SPAG16: variants seen among roughly 807,000 people sequenced by gnomAD.
The protein encoded by SPAG16 is sperm associated antigen 16, also known as sperm-associated antigen 16 protein.
In SPAG16, 86 loss-of-function variants were observed where a neutral mutation model predicts 80.4. The observed-to-expected ratio is 1.07, with a 90% CI of 0.90 to 1.28. The LOEUF is 1.28. Among genes scored for constraint, SPAG16 ranks in the 50% most tolerant of loss-of-function variants. The pLI is 0.00. For synonymous variants in SPAG16, 294 were observed against 265.9 expected, an observed-to-expected ratio of 1.11 and a Z score of -1.03; for missense variants, 870 against 765.3, an observed-to-expected ratio of 1.14 and a Z score of -1.61.
chr2:213,709,386 C>G (rs1329041447), intron 10 of SPAG16, among the ~76,000 whole-genome samples: 1 of 152,076 alleles, frequency 6.6e-6, no homozygotes, highest in Non-Finnish European at 1.5e-5. Flanking sequence ...GGTATTTGGA[C>G]ATAGTCTTGC....
intron 11 of SPAG16, among the ~76,000 whole-genome samples, chr2:213,890,012 T>A (rs2076727286): frequency 6.6e-6 from 1 of 152,046 alleles, no homozygotes; most frequent in South Asian, 2.1e-4. Flanking sequence ...AATTATAATA[T>A]GAAAATATTG....
chr2:214,152,669 C>G (rs1053242588), intron 15 of SPAG16, among the ~76,000 whole-genome samples: 1 of 152,056 alleles, frequency 6.6e-6, no homozygotes, highest in African/African-American at 2.4e-5. Flanking sequence ...GCGCGGAGAC[C>G]AGTAGTGGCC....
intron 10 of SPAG16, among the ~76,000 whole-genome samples, chr2:213,576,658 A>G (rs967980696): frequency 2.0e-5 from 3 of 152,172 alleles, no homozygotes; most frequent in Non-Finnish European, 2.9e-5. Context: ...AAAGAATGAG[A>G]TCATGTCCTT....
At chr2:213,393,828 A>G (rs1338596777) in intron 9 of SPAG16, among the ~76,000 whole-genome samples, 1 of 151,952 alleles carries the variant, frequency 6.6e-6, no homozygotes, top group East Asian at 1.9e-4. Flanking sequence ...CTAGGTCTTA[A>G]TTTCTATTTT....
chr2:213,794,724 A>T (rs946355571), intron 10 of SPAG16, among the ~76,000 whole-genome samples: 12 of 149,636 alleles, frequency 8.0e-5, no homozygotes, highest in African/African-American at 2.9e-4. Flanking sequence ...TATCACTTTG[A>T]TCTTAACAAT....
intron 5 of SPAG16, among the ~76,000 whole-genome samples, chr2:213,335,718 T>A (rs929555847): frequency 6.6e-6 from 1 of 152,158 alleles, no homozygotes; most frequent in Non-Finnish European, 1.5e-5. Flanking sequence ...TATAAGATTG[T>A]TGGCATGAAA....
intron 13 of SPAG16, among the ~76,000 whole-genome samples, chr2:214,037,940 C>T (rs1280362779): frequency 1.4e-5 from 2 of 145,018 alleles, no homozygotes; most frequent in Non-Finnish European, 3.0e-5. Context: ...TTTAGCCTTT[C>T]TGAATTATTT....
At chr2:213,598,372 T>C (rs556070400) in intron 10 of SPAG16, among the ~76,000 whole-genome samples, 3 of 152,330 alleles carry the variant, frequency 2.0e-5, no homozygotes, top group Admixed American at 2.0e-4. Context: ...GTGAGTAGTT[T>C]TAAGATGCCT....
intron 12 of SPAG16, among the ~76,000 whole-genome samples, chr2:213,958,639 C>T (rs2044267252): frequency 6.6e-6 from 1 of 152,088 alleles, no homozygotes; most frequent in Non-Finnish European, 1.5e-5. Flanking sequence ...GTGCCAAAAA[C>T]ATAAACTAAC....
chr2:213,340,024 A>G, intron 5 of SPAG16, 139 bp from the exon 6 acceptor site: 1 of 619,272 alleles, frequency 1.6e-6, no homozygotes, highest in Non-Finnish European at 2.8e-6. Context: ...TTTGATGAGA[A>G]TCTTCGATGA....
At chr2:213,373,829 T>A (rs1397562079) in intron 8 of SPAG16, among the ~76,000 whole-genome samples, 2 of 152,234 alleles carry the variant, frequency 1.3e-5, no homozygotes, top group East Asian at 3.8e-4. Flanking sequence ...TAGTGGACAT[T>A]ATAATAGTAA....
chr2:213,696,251 A>G (rs767376025), intron 10 of SPAG16, among the ~76,000 whole-genome samples: 1 of 152,228 alleles, frequency 6.6e-6, no homozygotes, highest in Non-Finnish European at 1.5e-5. Context: ...TGAGATCAAA[A>G]TAAAGTTGCA....
intron 10 of SPAG16, among the ~76,000 whole-genome samples, chr2:213,496,783 G>C (rs2074513196): frequency 6.6e-6 from 1 of 150,694 alleles, no homozygotes. Flanking sequence ...TAAATTATAT[G>C]TTTTCAAGAG....
intron 15 of SPAG16, among the ~76,000 whole-genome samples, chr2:214,171,078 C>T (rs532027888): frequency 5.9e-5 from 9 of 152,016 alleles, no homozygotes; most frequent in Admixed American, 2.6e-4. Flanking sequence ...CATCCAAGAG[C>T]GCCTCACAAG....
intron 12 of SPAG16, 94 bp from the exon 13 acceptor site, chr2:214,013,857 T>G (rs2047442660): frequency 7.7e-7 from 1 of 1,305,180 alleles, no homozygotes; most frequent in Non-Finnish European, 1.0e-6. Context: ...TTAATAAAAT[T>G]ATTTCATGCC....
intron 9 of SPAG16, among the ~76,000 whole-genome samples, chr2:213,471,954 G>A (rs1205364903): frequency 6.6e-6 from 1 of 152,140 alleles, no homozygotes; most frequent in Non-Finnish European, 1.5e-5. Context: ...GTTTACTGAG[G>A]CAGAAGTTCC....
intron 10 of SPAG16, among the ~76,000 whole-genome samples, chr2:213,750,010 C>T (rs984540797): frequency 3.9e-5 from 6 of 152,130 alleles, no homozygotes; most frequent in African/African-American, 1.2e-4. Flanking sequence ...CATTGTATCC[C>T]GAGGCCCAGC....
At chr2:213,286,108 C>T (rs1007192514) in intron 1 of SPAG16, among the ~76,000 whole-genome samples, 1 of 152,198 alleles carries the variant, frequency 6.6e-6, no homozygotes, top group Non-Finnish European at 1.5e-5. Flanking sequence ...AGGGAGATCA[C>T]TGAGTCACAC....
At chr2:214,155,140 C>T (rs991232531) in intron 15 of SPAG16, among the ~76,000 whole-genome samples, 1 of 152,092 alleles carries the variant, frequency 6.6e-6, no homozygotes, top group African/African-American at 2.4e-5. Flanking sequence ...TTATGAGCCA[C>T]ACACAGAGAA....
Sources: gnomAD v4.1 joint callset for allele counts (sites outside exome capture counted in the v4.1 genomes callset) on GRCh38, gnomAD v4.1.1 for gene constraint, MANE v1.5 for transcripts, NCBI Gene and HGNC (gene_info 2026-07-23, HGNC 2026-07-21) for gene names.